Variants in ST6GALNAC3 observed in about 807,000 individuals in gnomAD.
The protein encoded by ST6GALNAC3 is alpha-N-acetylgalactosaminide alpha-2,6-sialyltransferase 3.
Under a neutral mutation model 32.7 loss-of-function variants are expected in ST6GALNAC3, and 25 were observed. The observed-to-expected ratio is 0.76, with a 90% CI of 0.56 to 1.07. The LOEUF is 1.07. ST6GALNAC3 is among the 50% of genes least tolerant of loss of function. ST6GALNAC3 has a pLI of 0.00. For synonymous variants in ST6GALNAC3, 129 were observed against 133.1 expected, an observed-to-expected ratio of 0.97 and a Z score of 0.21; for missense variants, 355 against 382.4, an observed-to-expected ratio of 0.93 and a Z score of 0.60.
chr1:76,585,790 C>A (rs1204892796), intron 3 of ST6GALNAC3, among the ~76,000 whole-genome samples: 1 of 152,144 alleles, frequency 6.6e-6, no homozygotes, highest in Non-Finnish European at 1.5e-5. Context: ...ACCTTAAAAT[C>A]AATCAAATAC....
intron 3 of ST6GALNAC3, among the ~76,000 whole-genome samples, chr1:76,472,907 G>T (rs1424709706): frequency 6.6e-6 from 1 of 152,070 alleles, no homozygotes; most frequent in Non-Finnish European, 1.5e-5. Context: ...GTGGCTCTCG[G>T]AGAGTGACAG....
chr1:76,195,543 GC>G (rs1557687893), intron 1 of ST6GALNAC3, among the ~76,000 whole-genome samples: 1 of 152,178 alleles, frequency 6.6e-6, no homozygotes, highest in Non-Finnish European at 1.5e-5. Flanking sequence ...AGAGTACATG[GC>G]TGTGAAGAAC....
At chr1:76,079,729 C>G (rs548175815) in intron 1 of ST6GALNAC3, among the ~76,000 whole-genome samples, 9 of 152,262 alleles carry the variant, frequency 5.9e-5, no homozygotes, top group Non-Finnish European at 1.0e-4. Flanking sequence ...CTCTTCCTCC[C>G]CCTGCCCCAG....
chr1:76,259,893 CT>C (rs1310484579), intron 1 of ST6GALNAC3, among the ~76,000 whole-genome samples: 1 of 152,174 alleles, frequency 6.6e-6, no homozygotes, highest in Non-Finnish European at 1.5e-5. Flanking sequence ...TTCATTTACA[CT>C]GTTGTTCTAG....
rs1408229432 is a variant in ST6GALNAC3 at position 76,313,741 on chromosome 1, CT to C, written c.19-62del. ...AAAAAGAGAAGAATAAAGGAACCTC[CT>C]TCTGTGACTGCCTTTGGTTGAAAGT... is the stretch of plus-strand genomic sequence containing the variant. On this transcript the variant is annotated intron_variant, in intron 1 of 4. Coordinates refer to ENST00000328299, the MANE Select transcript of ST6GALNAC3 (RefSeq NM_152996.4). 6 of 1,553,300 alleles carry C rather than the reference CT, an allele frequency of 3.9e-6. No homozygotes were observed. In the African/African-American group the frequency reaches 8.2e-5, roughly 21 times the overall value.
intron 3 of ST6GALNAC3, among the ~76,000 whole-genome samples, chr1:76,460,392 A>G (rs760007395): frequency 6.6e-6 from 1 of 152,154 alleles, no homozygotes; most frequent in Non-Finnish European, 1.5e-5. Context: ...TGGCTGTTTT[A>G]TTGGAAATCA....
intron 2 of ST6GALNAC3, among the ~76,000 whole-genome samples, chr1:76,373,175 T>C (rs1014469201): frequency 2.6e-5 from 4 of 152,162 alleles, no homozygotes; most frequent in African/African-American, 9.7e-5. Context: ...CTAATGATTA[T>C]GGCTTTGAAG....
At chr1:76,571,163 C>T (rs1453725098) in intron 3 of ST6GALNAC3, among the ~76,000 whole-genome samples, 1 of 152,094 alleles carries the variant, frequency 6.6e-6, no homozygotes, top group Non-Finnish European at 1.5e-5. Context: ...TATCTGTGTA[C>T]GTCTTCCCAT....
intron 1 of ST6GALNAC3, among the ~76,000 whole-genome samples, chr1:76,142,417 G>C (rs899602301): frequency 6.6e-6 from 1 of 152,028 alleles, no homozygotes; most frequent in African/African-American, 2.4e-5. Flanking sequence ...CACTTCCTAG[G>C]GTGTTGTCTA....
chr1:76,299,589 C>A (rs1007329461), intron 1 of ST6GALNAC3, among the ~76,000 whole-genome samples: 5 of 152,022 alleles, frequency 3.3e-5, no homozygotes, highest in Admixed American at 2.0e-4. Flanking sequence ...GTCTTGGGCA[C>A]CAGAGCAGAA....
intron 3 of ST6GALNAC3, among the ~76,000 whole-genome samples, chr1:76,583,337 A>G (rs1570362456): frequency 6.6e-6 from 1 of 152,312 alleles, no homozygotes; most frequent in South Asian, 2.1e-4. Flanking sequence ...AGACTGAGGC[A>G]ATGAAACCCA....
chr1:76,555,561 T>G (rs1664868709), intron 3 of ST6GALNAC3, among the ~76,000 whole-genome samples: 1 of 152,132 alleles, frequency 6.6e-6, no homozygotes, highest in Non-Finnish European at 1.5e-5. Flanking sequence ...AGATTTGAGA[T>G]TCAAAGAAGG....
chr1:76,255,215 T>C (rs919601516), intron 1 of ST6GALNAC3, among the ~76,000 whole-genome samples: 5 of 152,048 alleles, frequency 3.3e-5, no homozygotes, highest in Admixed American at 6.6e-5. Context: ...ATCTCCTACA[T>C]GAATCCATCC....
chr1:76,595,678 A>T (rs921463581), intron 3 of ST6GALNAC3, among the ~76,000 whole-genome samples: 1 of 74,446 alleles, frequency 1.3e-5, no homozygotes, highest in African/African-American at 3.7e-5. Flanking sequence ...TATCAATAAC[A>T]TCATACACAC....
At chr1:76,587,904 C>T (rs180754378) in intron 3 of ST6GALNAC3, among the ~76,000 whole-genome samples, 2 of 152,264 alleles carry the variant, frequency 1.3e-5, no homozygotes, top group Admixed American at 6.5e-5. Context: ...TCTCCATAAA[C>T]ATCCATCGGT....
intron 3 of ST6GALNAC3, among the ~76,000 whole-genome samples, chr1:76,457,847 C>A (rs1312150902): frequency 6.7e-6 from 1 of 149,982 alleles, no homozygotes; most frequent in African/African-American, 2.4e-5. Flanking sequence ...GTCTAAAACA[C>A]CAAAAGCAAT....
At chr1:76,561,430 AT>A (rs905670827) in intron 3 of ST6GALNAC3, among the ~76,000 whole-genome samples, 1 of 152,224 alleles carries the variant, frequency 6.6e-6, no homozygotes, top group African/African-American at 2.4e-5. Flanking sequence ...TATATAAATA[AT>A]TATTACAATG....
chr1:76,432,443 C>CTTTTTTTT (rs35527607), intron 3 of ST6GALNAC3, among the ~76,000 whole-genome samples: 2 of 57,188 alleles, frequency 3.5e-5, no homozygotes, highest in African/African-American at 7.0e-5. Flanking sequence ...CCTTTATTGC[C>CTTTTTTTT]TTTTTTTTTT....
At chr1:76,483,440 C>T (rs923807749) in intron 3 of ST6GALNAC3, among the ~76,000 whole-genome samples, 32 of 152,188 alleles carry the variant, frequency 2.1e-4, no homozygotes, top group African/African-American at 7.7e-4. Context: ...GATGGTATCT[C>T]ATTGTGGCTT....
Sources: allele counts gnomAD v4.1 joint callset (sites outside exome capture counted in the v4.1 genomes callset), GRCh38; gene constraint gnomAD v4.1.1; transcripts MANE v1.5; gene names NCBI Gene and HGNC (gene_info 2026-07-23, HGNC 2026-07-21).